The following PIBF1 variants were observed in gnomAD, a reference collection of about 807,000 sequenced individuals.
PIBF1 encodes the protein progesterone-induced-blocking factor 1.
In PIBF1, 90 loss-of-function variants were observed where a neutral mutation model predicts 112.5. The observed-to-expected ratio is 0.80, with a 90% CI of 0.67 to 0.95. PIBF1 has a LOEUF of 0.95. Ranked by LOEUF, PIBF1 falls within the 40% of genes least tolerant of loss-of-function variation. The pLI, the probability that PIBF1 is intolerant of heterozygous loss-of-function variation, is 0.00. For missense variants in PIBF1, 915 were observed against 852.3 expected, an observed-to-expected ratio of 1.07 and a Z score of -0.92; for synonymous variants, 301 against 288.6, an observed-to-expected ratio of 1.04 and a Z score of -0.44.
intron 16 of PIBF1, among the ~76,000 whole-genome samples, chr13:72,987,858 A>ATTTATT (rs1345167411): frequency 1.5e-4 from 9 of 58,134 alleles, no homozygotes; most frequent in African/African-American, 6.5e-4. Context: ...TTATTTATTT[A>ATTTATT]TTTTTTTTTT....
At chr13:72,885,793 G>A (rs772372125) in intron 10 of PIBF1, among the ~76,000 whole-genome samples, 77 of 152,214 alleles carry the variant, frequency 5.1e-4, no homozygotes, top group Admixed American at 2.7e-3. Context: ...GGTCCTCCCT[G>A]GTTAGGCTAG....
chr13:72,846,552 G>T (rs2037888321), intron 9 of PIBF1, among the ~76,000 whole-genome samples: 1 of 152,138 alleles, frequency 6.6e-6, no homozygotes, highest in Admixed American at 6.5e-5. Flanking sequence ...AGTGGCCTGT[G>T]ATCCTACCTG....
intron 10 of PIBF1, among the ~76,000 whole-genome samples, chr13:72,882,093 A>G (rs1156881284): frequency 6.6e-6 from 1 of 152,080 alleles, no homozygotes; most frequent in Non-Finnish European, 1.5e-5. Flanking sequence ...AAACAGACAC[A>G]CAGACCAATG....
At chr13:72,816,132 GATGTCTTAATACTAGTA>G (rs2036262004) in intron 5 of PIBF1, among the ~76,000 whole-genome samples, 1 of 152,164 alleles carries the variant, frequency 6.6e-6, no homozygotes, top group Non-Finnish European at 1.5e-5. Context: ...GCTAGTGGGT[GATGTCTTAATACTAGTA>G]ATAGAGTGTT....
At chr13:72,827,701 TG>T (rs773981296) in intron 7 of PIBF1, 31 bp from the exon 8 acceptor site, 3 of 1,274,922 alleles carry the variant, frequency 2.4e-6, no homozygotes, top group Non-Finnish European at 3.2e-6. Context: ...ATGGCATCAC[TG>T]TGGATACTTT....
chr13:72,822,345 C>T (rs2036595679), intron 6 of PIBF1, among the ~76,000 whole-genome samples: 1 of 151,810 alleles, frequency 6.6e-6, no homozygotes. Flanking sequence ...AAAAGACACA[C>T]ACTCTTTCAA....
Position 72,827,128 on chromosome 13 carries a change from T to C in PIBF1, c.915+10T>C, listed in dbSNP as rs1465376111. The C allele has an allele frequency of 7.1e-7, 1 of 1,410,222 alleles. No individual in the cohort carries two copies. The highest frequency in any genetic ancestry group is 9.9e-7 in the Non-Finnish European group (1 of 1,013,662). The allele number at this position is 1,410,222 out of a possible 1,614,324, so 87.4% of individuals were successfully genotyped here. A position where few individuals can be genotyped will look rare whatever the true frequency, so the allele number is the denominator to read the frequency against. ...TGAATTATCAAAAGAGGTAAGCTTA[T>C]AATTAGAGTCACTTATATTATATAG... On this transcript the variant is annotated intron_variant, in intron 7 of 17. Coordinates refer to ENST00000326291, the MANE Select transcript of PIBF1 (RefSeq NM_006346.4).
intron 10 of PIBF1, among the ~76,000 whole-genome samples, chr13:72,881,407 T>C (rs1021266724): frequency 6.6e-6 from 1 of 152,054 alleles, no homozygotes; most frequent in Non-Finnish European, 1.5e-5. Context: ...ACAAATAAAA[T>C]TAAATACCTA....
At chr13:72,968,795 C>A (rs1039718542) in intron 15 of PIBF1, among the ~76,000 whole-genome samples, 1 of 151,730 alleles carries the variant, frequency 6.6e-6, no homozygotes, top group African/African-American at 2.4e-5. Context: ...AGAGTGGTGC[C>A]GAGGCAGACA....
In PIBF1 at chr13:73,013,067, C is replaced by T. The variant is rs1257217012; in HGVS notation, c.2224-2802C>T. 7.3e-5 allele frequency among the ~76,000 whole-genome samples: 11 copies of T among 150,938 alleles called. No homozygotes were observed. The South Asian group carries it at 1.3e-3, about 17-fold the overall frequency. On this transcript the variant is annotated intron_variant, in intron 17 of 17. Transcript: ENST00000326291. Reference sequence around the variant, plus strand: ...CTGTAATCCCAGCACTTTGGGAGGCCGAGGCGGGCGGATCACGAGGTCAGG... The same window carrying T: ...CTGTAATCCCAGCACTTTGGGAGGCTGAGGCGGGCGGATCACGAGGTCAGG...
intron 17 of PIBF1, among the ~76,000 whole-genome samples, chr13:73,008,402 C>A (rs1323796564): frequency 1.3e-5 from 2 of 152,170 alleles, no homozygotes; most frequent in Admixed American, 1.3e-4. Flanking sequence ...TAGTAGAATT[C>A]TCTTTTGTCT....
chr13:72,838,901 G>A (rs576693341), intron 9 of PIBF1, among the ~76,000 whole-genome samples: 142 of 152,300 alleles, frequency 9.3e-4, no homozygotes, highest in African/African-American at 3.2e-3. Flanking sequence ...GGACAAAAAG[G>A]ACAAAATGAA....
At chr13:72,869,343 A>G (rs2039058266) in intron 10 of PIBF1, among the ~76,000 whole-genome samples, 1 of 151,820 alleles carries the variant, frequency 6.6e-6, no homozygotes, top group African/African-American at 2.4e-5. Flanking sequence ...GGAAATCATC[A>G]TTCTCAGTAA....
intron 17 of PIBF1, among the ~76,000 whole-genome samples, chr13:73,015,658 C>T (rs1279517819): frequency 6.6e-6 from 1 of 152,058 alleles, no homozygotes; most frequent in African/African-American, 2.4e-5. Flanking sequence ...AGCAAGAAAA[C>T]ACAGTTTTTT....
At chr13:72,939,794 T>C (rs946427924) in intron 14 of PIBF1, among the ~76,000 whole-genome samples, 1 of 152,256 alleles carries the variant, frequency 6.6e-6, no homozygotes, top group South Asian at 2.1e-4. Context: ...AAAGATATTT[T>C]CCCTGGGTAA....
rs568029480 is a variant in PIBF1, at chr13:72,939,978, C to G, written c.1833+8711C>G. On this transcript the variant is annotated intron_variant, in intron 14 of 17. Transcript: ENST00000326291. The stretch of plus-strand genomic sequence containing the variant: ...GCTGCTTTTAAGAGATTTTTAGTCA[C>G]TGGCTGTAAGCAATTTGATTATCAT... Among the ~76,000 whole-genome samples the G allele has an allele frequency of 2.6e-5, 4 of 152,244 alleles. No homozygotes were observed. In the South Asian group the frequency reaches 6.2e-4, roughly 24 times the overall value.
chr13:72,946,938 T>C (rs996335524), intron 14 of PIBF1, among the ~76,000 whole-genome samples: 3 of 152,218 alleles, frequency 2.0e-5, no homozygotes, highest in African/African-American at 7.2e-5. Flanking sequence ...TTAGTAGATC[T>C]ACAGTTCTGG....
At chr13:72,996,096 G>A (rs920063236) in intron 16 of PIBF1, among the ~76,000 whole-genome samples, 1 of 115,448 alleles carries the variant, frequency 8.7e-6, no homozygotes, top group Non-Finnish European at 1.8e-5. Context: ...GCGGGGGGGG[G>A]GGGTCATAAA....
chr13:72,930,652 C>T (rs757959355), intron 13 of PIBF1, among the ~76,000 whole-genome samples: 7 of 152,054 alleles, frequency 4.6e-5, no homozygotes, highest in Admixed American at 6.6e-5. Context: ...TAGACATTCT[C>T]TAAGTTTTAT....
Sources: allele counts gnomAD v4.1 joint callset (sites outside exome capture counted in the v4.1 genomes callset), GRCh38; gene constraint gnomAD v4.1.1; transcripts MANE v1.5; gene names NCBI Gene and HGNC (gene_info 2026-07-23, HGNC 2026-07-21).